RPS6KA2: variants seen among roughly 807,000 people sequenced by gnomAD.
RPS6KA2 encodes ribosomal protein S6 kinase A2, also known as ribosomal protein S6 kinase alpha-2.
In RPS6KA2, 42 loss-of-function variants were observed where a neutral mutation model predicts 91.8. The ratio of observed to expected loss-of-function variants is 0.46; its 90% CI spans 0.36 to 0.59. RPS6KA2 has a LOEUF of 0.59. Ranked by LOEUF, RPS6KA2 falls within the 20% of genes least tolerant of loss-of-function variation. The pLI is 0.00. For synonymous variants in RPS6KA2, 414 were observed against 393.6 expected (o/e 1.05, Z -0.61); for missense variants, 798 against 978.5 (o/e 0.82, Z 2.46).
Position 166,806,638 on chromosome 6 carries a change from C to A in RPS6KA2, c.123+51562G>T, listed in dbSNP as rs1225934570. ...ACCTTCAAGAAATGTTAAAGGGAGT[C>A]CTGAAGATTGAAATGAAAGAACACT... is the stretch of plus-strand genomic sequence containing the variant. On this transcript the variant is annotated intron_variant, in intron 2 of 21. Coordinates refer to the RPS6KA2 transcript ENST00000503859. Among the ~76,000 whole-genome samples, 9 of 152,094 alleles carry A rather than the reference C, an allele frequency of 5.9e-5. No homozygotes were observed. In the East Asian group the frequency reaches 1.7e-3, roughly 29 times the overall value.
In RPS6KA2 at chr6:166,737,668, G is replaced by A. The variant is rs537440776; in HGVS notation, c.123+120532C>T. On this transcript the variant is annotated intron_variant, in intron 2 of 21. Coordinates refer to the RPS6KA2 transcript ENST00000503859. This position sits in a 1 kb window ranked among gnomAD's most constrained non-coding sequence, Gnocchi z 4.3. ...CTCCCAGCTTTCCAGGCTAACGTCC[G>A]GATAATCCCCCCAGGTACCTGGGCC... 1.3e-5 allele frequency among the ~76,000 whole-genome samples: 2 copies of A among 152,164 alleles called. No individual in the cohort carries two copies. The highest frequency in any genetic ancestry group is 2.1e-4 in the South Asian group (1 of 4,812).
rs1778986148 is a variant in RPS6KA2 at position 166,788,362 on chromosome 6, T to C, written c.123+69838A>G. 5.9e-5 allele frequency among the ~76,000 whole-genome samples: 9 copies of C among 152,182 alleles called. 1 individual carries two copies. The highest frequency in any genetic ancestry group is 5.9e-4 in the Admixed American group (9 of 15,288). Reference sequence around the variant, plus strand: ...TATAGACCCAAAGGATTATAAATCATTTTACTATAAAGACACATGCACACC... The same window carrying C: ...TATAGACCCAAAGGATTATAAATCACTTTACTATAAAGACACATGCACACC... On this transcript the variant is annotated intron_variant, in intron 2 of 21. Coordinates refer to the RPS6KA2 transcript ENST00000503859.
chr6:166,577,429 G>A (rs1387801693), intron 1 of RPS6KA2, among the ~76,000 whole-genome samples: 1 of 152,196 alleles, frequency 6.6e-6, no homozygotes, highest in African/African-American at 2.4e-5. Flanking sequence ...CAAAGCCACA[G>A]GGGTGGAGCT....
At chr6:166,417,955 G>A (rs1049848445) in intron 19 of RPS6KA2, among the ~76,000 whole-genome samples, 7 of 151,836 alleles carry the variant, frequency 4.6e-5, no homozygotes, top group African/African-American at 7.3e-5. Context: ...GGGTGTGGTC[G>A]CACACGCCTG....
chr6:166,651,101 G>A (rs983815712), intron 2 of RPS6KA2, among the ~76,000 whole-genome samples: 6 of 152,176 alleles, frequency 3.9e-5, no homozygotes, highest in Non-Finnish European at 8.8e-5. Context: ...TCAGCGCCTT[G>A]CTCAGATCAC....
chr6:166,567,831 C>G (rs936706338), intron 1 of RPS6KA2, among the ~76,000 whole-genome samples: 4 of 152,186 alleles, frequency 2.6e-5, no homozygotes, highest in African/African-American at 9.6e-5. Flanking sequence ...TCCATCTCTC[C>G]CCAGCGATCC....
At chr6:166,519,534 C>T (rs1769950034) in intron 3 of RPS6KA2, among the ~76,000 whole-genome samples, 1 of 152,174 alleles carries the variant, frequency 6.6e-6, no homozygotes, top group South Asian at 2.1e-4. Flanking sequence ...CAACCTGTGC[C>T]TACTGGTACC....
At chr6:166,526,833 C>T (rs1292767292) in intron 3 of RPS6KA2, among the ~76,000 whole-genome samples, 1 of 152,250 alleles carries the variant, frequency 6.6e-6, no homozygotes, top group African/African-American at 2.4e-5. Flanking sequence ...CAGCCCTTCA[C>T]TTTGGCATGT....
At chr6:166,502,042 T>C (rs1782045878) in intron 6 of RPS6KA2, among the ~76,000 whole-genome samples, 1 of 151,948 alleles carries the variant, frequency 6.6e-6, no homozygotes, top group South Asian at 2.1e-4. Context: ...AGATGGAAAG[T>C]GGATGGCGGG....
chr6:166,784,688 T>C (rs9364870), intron 2 of RPS6KA2, among the ~76,000 whole-genome samples: 2,300 of 24,836 alleles, frequency 0.093, 643 homozygotes, highest in East Asian at 0.57. Context: ...ACCACATATA[T>C]ACACGTGCAC....
intron 2 of RPS6KA2, among the ~76,000 whole-genome samples, chr6:166,650,017 C>CT (rs1787799135): frequency 6.6e-6 from 1 of 152,044 alleles, no homozygotes; most frequent in Non-Finnish European, 1.5e-5. Flanking sequence ...CTTTATTACC[C>CT]TTAAAAGAAC....
intron 2 of RPS6KA2, among the ~76,000 whole-genome samples, chr6:166,775,775 C>A (rs951209152): frequency 6.6e-6 from 1 of 152,242 alleles, no homozygotes; most frequent in Non-Finnish European, 1.5e-5. Flanking sequence ...AGACACATGA[C>A]GATGCTGTCG....
At chr6:166,844,583 C>T in intron 2 of RPS6KA2, among the ~76,000 whole-genome samples, 1 of 152,152 alleles carries the variant, frequency 6.6e-6, no homozygotes, top group African/African-American at 2.4e-5. Flanking sequence ...TCGGCAGAAA[C>T]CCTACCAGCT....
intron 2 of RPS6KA2, among the ~76,000 whole-genome samples, chr6:166,686,015 C>T (rs552996226): frequency 2.6e-5 from 4 of 152,262 alleles, no homozygotes; most frequent in African/African-American, 9.6e-5. Context: ...CATTCACAGC[C>T]TCAGGTCTTA....
chr6:166,550,873 C>CAA lies in RPS6KA2; in HGVS notation c.100-12090_100-12089insTT, dbSNP rs1783993387. On this transcript the variant is annotated intron_variant, in intron 1 of 20. Coordinates refer to ENST00000265678, the MANE Select transcript of RPS6KA2 (RefSeq NM_021135.6). ...AAAATTAGCCAGGCGTGGTGGCGGG[C>CAA]GCCTGTAGTCCCAGCTACTCGGGAG... Among the ~76,000 whole-genome samples, 4 of 151,576 alleles carry CAA rather than the reference C, an allele frequency of 2.6e-5. No homozygotes were observed. The South Asian group carries it at 6.3e-4, about 24-fold the overall frequency.
intron 3 of RPS6KA2, among the ~76,000 whole-genome samples, chr6:166,514,868 G>A (rs549636799): frequency 2.0e-5 from 3 of 152,292 alleles, no homozygotes; most frequent in African/African-American, 4.8e-5. Context: ...GCGACTGGTG[G>A]AGAAATTAGC....
chr6:166,857,403 A>C (rs1005491226), intron 2 of RPS6KA2, among the ~76,000 whole-genome samples: 1 of 152,140 alleles, frequency 6.6e-6, no homozygotes, highest in African/African-American at 2.4e-5. Flanking sequence ...GTGGCTGCGT[A>C]ACTACAATGC....
rs1272309689 is a variant in RPS6KA2, at chr6:166,410,554, G to T, written c.*2208C>A. The T allele has an allele frequency of 6.6e-6, 1 of 152,414 alleles. No homozygotes were observed. The highest frequency in any genetic ancestry group is 1.5e-5 in the Non-Finnish European group (1 of 68,030). The allele number at this position is 152,414 out of a possible 1,614,324, so 9.4% of individuals were successfully genotyped here. Reference sequence around the variant, plus strand: ...CTCCGCTGATGCACATCAAATACATGTAAGGACAGAGCTCGCTGTGATGGG... The same window carrying T: ...CTCCGCTGATGCACATCAAATACATTTAAGGACAGAGCTCGCTGTGATGGG... On this transcript the variant is annotated 3_prime_UTR_variant, in exon 21 of 21. Coordinates refer to ENST00000265678, the MANE Select transcript of RPS6KA2 (RefSeq NM_021135.6).
chr6:166,790,274 C>CA (rs1779048554), intron 2 of RPS6KA2, among the ~76,000 whole-genome samples: 1 of 151,798 alleles, frequency 6.6e-6, no homozygotes, highest in Non-Finnish European at 1.5e-5. Context: ...TGATGGAAGA[C>CA]GAAATGAATG....
Sources: allele counts gnomAD v4.1 joint callset (sites outside exome capture counted in the v4.1 genomes callset), GRCh38; gene constraint gnomAD v4.1.1; non-coding constraint Gnocchi (gnomAD v3.1); transcripts MANE v1.5; gene names NCBI Gene and HGNC (gene_info 2026-07-23, HGNC 2026-07-21).